Variants in MYT1 observed in about 807,000 individuals in gnomAD.
MYT1 encodes the protein myelin transcription factor 1.
In MYT1, 23 loss-of-function variants were observed where a neutral mutation model predicts 123.0. The observed-to-expected ratio is 0.19, with a 90% CI of 0.13 to 0.26. MYT1 has a LOEUF of 0.26. MYT1 is among the 10% of genes least tolerant of loss of function. MYT1 has a pLI of 1.00. For missense variants in MYT1, 1,125 were observed against 1,472.5 expected, an observed-to-expected ratio of 0.76 and a Z score of 3.86; for synonymous variants, 518 against 575.3, an observed-to-expected ratio of 0.90 and a Z score of 1.43.
At chr20:64,229,209 T>A (rs1042041957) in intron 18 of MYT1, among the ~76,000 whole-genome samples, 5 of 152,218 alleles carry the variant, frequency 3.3e-5, no homozygotes, top group Non-Finnish European at 5.9e-5. Context: ...GTTAGTACTA[T>A]GAAGGTCGCA....
At position 64,203,997 on chromosome 20, in the gene MYT1, A is replaced by G. The variant is rs1983401667; in HGVS notation, c.87-1038A>G. ...CCAGGAAAGCCTCTCTCTTCCCACAAGGAGCGCAGGCCTGCCCCTCCCACC... is the reference window on the plus strand; with the variant it reads ...CCAGGAAAGCCTCTCTCTTCCCACAGGGAGCGCAGGCCTGCCCCTCCCACC... On this transcript the variant is annotated intron_variant, in intron 4 of 22. Coordinates refer to ENST00000328439, the MANE Select transcript of MYT1 (RefSeq NM_004535.3). This position sits in a 1 kb window ranked among gnomAD's most constrained non-coding sequence, Gnocchi z 5.1. Among the ~76,000 whole-genome samples, 1 of 152,216 alleles carries G rather than the reference A, an allele frequency of 6.6e-6. No individual in the cohort carries two copies. Among genetic ancestry groups the G allele is most frequent in the African/African-American group, 2.4e-5 (1 of 41,448 alleles).
chr20:64,164,802 G>A (rs539356552), intron 1 of MYT1, 63 bp downstream of exon 1: 18 of 152,272 alleles, frequency 1.2e-4, no homozygotes, highest in Non-Finnish European at 2.5e-4. Context: ...TTTCCTCTTG[G>A]ACAGAGACAG....
At chr20:64,187,351 G>T (rs1160889534) in intron 1 of MYT1, among the ~76,000 whole-genome samples, 2 of 148,128 alleles carry the variant, frequency 1.4e-5, no homozygotes, top group African/African-American at 5.0e-5. Flanking sequence ...CCTGTAGCCT[G>T]TGGCCCCGGC....
intron 18 of MYT1, among the ~76,000 whole-genome samples, chr20:64,229,750 TATG>T (rs1165604040): frequency 6.6e-6 from 1 of 152,252 alleles, no homozygotes; most frequent in African/African-American, 2.4e-5. Flanking sequence ...GAGTCCTTTT[TATG>T]ATATCTCCTG....
intron 13 of MYT1, 122 bp from the exon 14 acceptor site, chr20:64,221,771 G>T (rs1984010721): frequency 1.0e-6 from 1 of 978,614 alleles, no homozygotes; most frequent in African/African-American, 1.6e-5. Flanking sequence ...CAGAAGATAG[G>T]AGACTCCGGG....
chr20:64,184,825 G>C (rs1335147697), intron 1 of MYT1, among the ~76,000 whole-genome samples: 2 of 152,208 alleles, frequency 1.3e-5, no homozygotes, highest in Admixed American at 6.5e-5. Context: ...GTAAGAAGCA[G>C]ATATTGTGGG....
Position 64,232,445 on chromosome 20 carries a change from C to T in MYT1, c.2897+60C>T. The T allele has an allele frequency of 6.5e-7, 1 of 1,549,688 alleles. No individual in the cohort carries two copies. The highest frequency in any genetic ancestry group is 8.9e-7 in the Non-Finnish European group (1 of 1,126,688). ...GTCAGTAGGGACCCTCGCCTGGGGC[C>T]TGGGGCTGAAGCTCCTGAGGGAGGG... is the stretch of plus-strand genomic sequence containing the variant. On this transcript the variant is annotated intron_variant, in intron 19 of 22. Transcript: ENST00000328439. This position sits in a 1 kb window ranked among gnomAD's most constrained non-coding sequence, Gnocchi z 6.9.
At chr20:64,176,699 C>T (rs572691891) in intron 1 of MYT1, among the ~76,000 whole-genome samples, 21 of 152,312 alleles carry the variant, frequency 1.4e-4, no homozygotes, top group East Asian at 9.6e-4. Flanking sequence ...TCCTTGGTGC[C>T]GCCTGGGTTC....
intron 4 of MYT1, among the ~76,000 whole-genome samples, chr20:64,201,755 G>A (rs75505099): frequency 0.085 from 12,988 of 152,250 alleles, 717 homozygotes; most frequent in Middle Eastern, 0.2. Context: ...TCCTGGTGGG[G>A]GCCACACCGT....
rs373467855 is a variant in MYT1 at position 64,212,023 on chromosome 20, C to A, written c.1427-25C>A. 3.1e-6 allele frequency: 5 copies of A among 1,598,720 alleles called. No homozygotes were observed. The highest frequency in any genetic ancestry group is 4.3e-6 in the Non-Finnish European group (5 of 1,166,834). ...CCCAGATTCTCTGACAGCCTCGGCTCCCTCCACCCCCTGTTCTCTTACAGT... is the reference window on the plus strand; with the variant it reads ...CCCAGATTCTCTGACAGCCTCGGCTACCTCCACCCCCTGTTCTCTTACAGT... On this transcript the variant is annotated intron_variant, in intron 8 of 22. Transcript: ENST00000328439. The surrounding 1 kb of genome is among the most constrained non-coding windows in gnomAD (Gnocchi z 6.8).
In MYT1 at chr20:64,196,262, CAGA is replaced by C. The variant is rs1228969050; in HGVS notation, c.1-2597_1-2595del. 6.6e-6 allele frequency among the ~76,000 whole-genome samples: 1 copy of C among 152,094 alleles called. No individual in the cohort carries two copies. The highest frequency in any genetic ancestry group is 1.9e-4 in the East Asian group (1 of 5,194). On this transcript the variant is annotated intron_variant, in intron 2 of 22. Transcript: ENST00000328439. The surrounding 1 kb of genome is among the most constrained non-coding windows in gnomAD (Gnocchi z 4.3). ...CCCAGCTGTCATTGTGTGGTGGGGGCAGAAGGTCTGGGGGGCTGCCGTCCAGGG... is the reference window on the plus strand; with the variant it reads ...CCCAGCTGTCATTGTGTGGTGGGGGCAGGTCTGGGGGGCTGCCGTCCAGGG...
intron 13 of MYT1, among the ~76,000 whole-genome samples, chr20:64,220,781 GGGGTGGGGCTAGGCCCCTATGAA>G (rs200045693): frequency 0.013 from 1,847 of 144,782 alleles, 51 homozygotes; most frequent in South Asian, 0.018. Context: ...AGGAATGAGG[GGGGTGGGGCTAGGCCCCTATGAA>G]GGGTGGGGGC....
chr20:64,205,697 G>A lies in MYT1; in HGVS notation c.294G>A (p.Glu98=). The stretch of plus-strand genomic sequence containing the variant: ...ACAGCGACGGCAGTGAGGACACTGA[G>A]GTGAAGGACGCCTCTGTTTCGGATG... ...GVDSDGSEDT[E]VKDASVSDES... The change falls in exon 6 of 23, where the codon GAG becomes GAA. Residue 98 remains glutamate (E), a synonymous_variant. Transcript: ENST00000328439. 6.2e-7 allele frequency: 1 copy of A among 1,614,226 alleles called. No homozygotes were observed. Among genetic ancestry groups the A allele is most frequent in the South Asian group, 1.1e-5 (1 of 91,080 alleles).
intron 8 of MYT1, 61 bp downstream of exon 8, chr20:64,211,401 T>G: frequency 6.4e-7 from 1 of 1,551,076 alleles, no homozygotes. Flanking sequence ...CTGTGGTGTT[T>G]GGGTGGTGTC....
At chr20:64,184,277 T>C (rs1982737154) in intron 1 of MYT1, among the ~76,000 whole-genome samples, 1 of 152,168 alleles carries the variant, frequency 6.6e-6, no homozygotes, top group African/African-American at 2.4e-5. Flanking sequence ...GGAGTTTTGG[T>C]TCTTACATTT....
At chr20:64,225,099 A>G (rs1277403810) in intron 16 of MYT1, among the ~76,000 whole-genome samples, 2 of 152,190 alleles carry the variant, frequency 1.3e-5, no homozygotes, top group African/African-American at 4.8e-5. Flanking sequence ...AGGCTCCTTC[A>G]GAAACTCCAC....
At chr20:64,234,077 GT>G (rs943712968) in intron 19 of MYT1, among the ~76,000 whole-genome samples, 8 of 152,226 alleles carry the variant, frequency 5.3e-5, no homozygotes, top group African/African-American at 1.9e-4. Context: ...GCCGGGGTCA[GT>G]TGGGCAGAGA....
At position 64,237,405 on chromosome 20, in the gene MYT1, C is replaced by G. The variant is rs755275375; in HGVS notation, c.3093+15C>G. 1.9e-6 allele frequency: 3 copies of G among 1,583,506 alleles called. No homozygotes were observed. The African/African-American group carries it at 4.0e-5, about 21-fold the overall frequency. On this transcript the variant is annotated intron_variant, in intron 21 of 22. Transcript: ENST00000328439. ...TGCAGTCCCAGGTAGGTGGTGCCGC[C>G]CCCCGCTCCTGGGCTCTTTGCCCAC...
chr20:64,204,849 C>T (rs761465305), intron 4 of MYT1, among the ~76,000 whole-genome samples, 186 bp from the exon 5 acceptor site: 16 of 152,176 alleles, frequency 1.1e-4, no homozygotes, highest in Non-Finnish European at 2.2e-4. Flanking sequence ...ATTGAACACT[C>T]GTAAAACTGT....
Sources: allele counts gnomAD v4.1 joint callset (sites outside exome capture counted in the v4.1 genomes callset), GRCh38; gene constraint gnomAD v4.1.1; non-coding constraint Gnocchi (gnomAD v3.1); transcripts MANE v1.5; gene names NCBI Gene and HGNC (gene_info 2026-07-23, HGNC 2026-07-21).